Variants in AOAH observed in about 807,000 individuals in gnomAD.
AOAH encodes acyloxyacyl hydrolase (neutrophil).
In AOAH, 64 loss-of-function variants were observed where a neutral mutation model predicts 92.2. That is an observed-to-expected ratio of 0.69 (90% confidence interval 0.57 to 0.86). The LOEUF (loss-of-function observed/expected upper bound fraction) is 0.86, where lower values mean the gene tolerates loss of function less well. AOAH is among the 40% of genes least tolerant of loss of function. The probability of loss-of-function intolerance (pLI) is 0.00; values close to 1 mark genes in which losing one functional copy is unlikely to be tolerated. For missense variants in AOAH, 656 were observed against 694.6 expected (o/e 0.94, Z 0.62); for synonymous variants, 263 against 254.5 (o/e 1.03, Z -0.32).
intron 2 of AOAH, among the ~76,000 whole-genome samples, chr7:36,681,000 C>T (rs12673346): frequency 0.23 from 34,580 of 151,662 alleles, 4,341 homozygotes; most frequent in African/African-American, 0.34. Flanking sequence ...TTATATTTTG[C>T]TAGTATATTA....
chr7:36,569,423 G>C (rs561707029), intron 13 of AOAH, among the ~76,000 whole-genome samples: 3 of 151,912 alleles, frequency 2.0e-5, no homozygotes, highest in Non-Finnish European at 4.4e-5. Context: ...GATGAGTCTT[G>C]TTTACTTTAG....
At chr7:36,605,320 TTC>T (rs1236862184) in intron 11 of AOAH, among the ~76,000 whole-genome samples, 1 of 152,224 alleles carries the variant, frequency 6.6e-6, no homozygotes, top group South Asian at 2.1e-4. Context: ...TGATGGAATT[TTC>T]TCTTTCCACA....
chr7:36,558,232 G>C (rs545099135), intron 13 of AOAH, among the ~76,000 whole-genome samples: 1 of 152,274 alleles, frequency 6.6e-6, no homozygotes, highest in South Asian at 2.1e-4. Context: ...AGGTCTGTTG[G>C]AGTTTGCTAG....
In AOAH at chr7:36,616,399, G is replaced by C; in HGVS notation, c.827C>G (p.Thr276Arg). Reference sequence around the variant, plus strand: ...ACTTACCAAAGACATCTGCGACGCTGTGATCCATTCAGGAGAGATGTGAAA... The same window carrying C: ...ACTTACCAAAGACATCTGCGACGCTCTGATCCATTCAGGAGAGATGTGAAA... ...AHFHISPEWI[T>R]ASQMSLNSFI... is the part of the protein sequence containing the mutation. The change falls in exon 11 of 21, where the codon ACA becomes AGA. Residue 276 changes from threonine to arginine, a missense_variant. Thr to Arg is a moderately conservative substitution (Grantham distance 71, BLOSUM62 -1). Coordinates refer to ENST00000617537, the MANE Select transcript of AOAH (RefSeq NM_001637.4). 6.2e-7 allele frequency: 1 copy of C among 1,613,902 alleles called. No homozygotes were observed. The highest frequency in any genetic ancestry group is 8.5e-7 in the Non-Finnish European group (1 of 1,179,778).
At position 36,532,255 on chromosome 7, in the gene AOAH, C is replaced by T. The variant is rs186914603; in HGVS notation, c.1365+31G>A. The stretch of plus-strand genomic sequence containing the variant: ...ATTACAGAGGATCAGGGTAGGTAAG[C>T]GGGCCTTGAAGCAAGCCAGTGAGTG... On this transcript the variant is annotated intron_variant, in intron 17 of 20. Coordinates refer to ENST00000617537, the MANE Select transcript of AOAH (RefSeq NM_001637.4). 10,365 of 1,614,078 alleles carry T rather than the reference C, an allele frequency of 6.4e-3. 50 individuals carry two copies. Among genetic ancestry groups the T allele is most frequent in the Non-Finnish European group, 7.8e-3 (9,146 of 1,179,992 alleles).
chr7:36,594,507 A>C (rs149640279), intron 11 of AOAH, 77 bp from the exon 12 acceptor site: 1 of 1,197,030 alleles, frequency 8.4e-7, no homozygotes, highest in East Asian at 2.4e-5. Flanking sequence ...TCATGGCCTG[A>C]GTGTTGCTCT....
chr7:36,680,953 A>C (rs569989568), intron 2 of AOAH, among the ~76,000 whole-genome samples: 1 of 152,324 alleles, frequency 6.6e-6, no homozygotes, highest in South Asian at 2.1e-4. Context: ...AGAAGCTAAG[A>C]TGGTACCTTG....
intron 18 of AOAH, among the ~76,000 whole-genome samples, chr7:36,531,170 C>A (rs1164191093): frequency 6.6e-6 from 1 of 152,048 alleles, no homozygotes; most frequent in Admixed American, 6.6e-5. Context: ...TAGGCAAAAA[C>A]CAAATATATT....
chr7:36,660,021 G>C (rs547349566), intron 3 of AOAH, among the ~76,000 whole-genome samples: 1 of 152,014 alleles, frequency 6.6e-6, no homozygotes, highest in South Asian at 2.1e-4. Flanking sequence ...TCTTCTTCTG[G>C]ACAATAAGTC....
intron 13 of AOAH, among the ~76,000 whole-genome samples, chr7:36,561,479 T>C (rs911223141): frequency 3.9e-5 from 6 of 152,126 alleles, no homozygotes; most frequent in African/African-American, 1.2e-4. Context: ...AGGGCTCCAG[T>C]CTTTCTGGGA....
At chr7:36,603,449 G>A (rs923169803) in intron 11 of AOAH, among the ~76,000 whole-genome samples, 3 of 152,104 alleles carry the variant, frequency 2.0e-5, no homozygotes, top group Admixed American at 6.6e-5. Context: ...CGCCTGCCCC[G>A]GCCTTTCTCT....
intron 13 of AOAH, among the ~76,000 whole-genome samples, chr7:36,574,948 A>C (rs1237481008): frequency 6.6e-6 from 1 of 152,110 alleles, no homozygotes; most frequent in Admixed American, 6.5e-5. Flanking sequence ...TGTCTTTCCA[A>C]ATAAAAATAT....
chr7:36,629,963 A>AGGGCAGACCCTCATCCAATATGAG (rs1181573343), intron 6 of AOAH, among the ~76,000 whole-genome samples: 1 of 152,232 alleles, frequency 6.6e-6, no homozygotes, highest in African/African-American at 2.4e-5. Context: ...TGAGGGCATT[A>AGGGCAGACCCTCATCCAATATGAG]GGGCAGACCC....
At chr7:36,659,732 A>G (rs1433378877) in intron 3 of AOAH, among the ~76,000 whole-genome samples, 1 of 151,058 alleles carries the variant, frequency 6.6e-6, no homozygotes, top group African/African-American at 2.4e-5. Flanking sequence ...CTATTCCCTT[A>G]TAAACATATT....
At chr7:36,588,563 G>C (rs574435167) in intron 12 of AOAH, among the ~76,000 whole-genome samples, 1 of 152,352 alleles carries the variant, frequency 6.6e-6, no homozygotes, top group Admixed American at 6.5e-5. Context: ...AGGCCCATTA[G>C]TGTTTAGTAC....
At chr7:36,555,461 T>C (rs548953986) in intron 13 of AOAH, among the ~76,000 whole-genome samples, 185 of 152,232 alleles carry the variant, frequency 1.2e-3, no homozygotes, top group Middle Eastern at 6.8e-3. Flanking sequence ...TTGGTTGTGT[T>C]TCTGCCTGGC....
chr7:36,649,441 G>C (rs548963252), intron 4 of AOAH, among the ~76,000 whole-genome samples: 1 of 152,200 alleles, frequency 6.6e-6, no homozygotes, highest in Admixed American at 6.5e-5. Context: ...GCCTAGCTGG[G>C]AAGGTGACTG....
At chr7:36,702,815 GAC>G (rs1329012579) in intron 1 of AOAH, among the ~76,000 whole-genome samples, 1 of 152,100 alleles carries the variant, frequency 6.6e-6, no homozygotes, top group East Asian at 1.9e-4. Flanking sequence ...CTTAAAATAA[GAC>G]AACGAAGTTT....
intron 1 of AOAH, among the ~76,000 whole-genome samples, chr7:36,717,880 C>T (rs1406528543): frequency 6.6e-6 from 1 of 151,746 alleles, no homozygotes; most frequent in East Asian, 1.9e-4. Flanking sequence ...AAACTAATAA[C>T]TACAACAACA....
Sources: allele counts gnomAD v4.1 joint callset (sites outside exome capture counted in the v4.1 genomes callset), GRCh38; gene constraint gnomAD v4.1.1; transcripts MANE v1.5; gene names NCBI Gene and HGNC (gene_info 2026-07-23, HGNC 2026-07-21).